FAT1: variants seen among roughly 807,000 people sequenced by gnomAD.
FAT1 encodes the protein protocadherin Fat 1.
FAT1 carries 171 observed loss-of-function variants against 329.8 expected under a neutral mutation model. That is an observed-to-expected ratio of 0.52 (90% CI 0.46 to 0.59). FAT1 has a LOEUF of 0.59. FAT1 is among the 20% of genes least tolerant of loss of function. The pLI is 0.00. For missense variants in FAT1, 5,672 were observed against 5,774.4 expected (o/e 0.98, Z 0.57); for synonymous variants, 2,233 against 2,228.6 (o/e 1.00, Z -0.06).
At chr4:186,654,314 C>A (rs943895292) in intron 3 of FAT1, among the ~76,000 whole-genome samples, 1 of 152,178 alleles carries the variant, frequency 6.6e-6, no homozygotes. Flanking sequence ...TGTCAATGTT[C>A]CTCTGACTCC....
chr4:186,650,832 T>C (rs1393453714), intron 3 of FAT1, among the ~76,000 whole-genome samples: 2 of 152,092 alleles, frequency 1.3e-5, no homozygotes, highest in African/African-American at 2.4e-5. Flanking sequence ...AAAAATTGTT[T>C]TAAATGTCCA....
chr4:186,669,849 G>C (rs1742648641), intron 2 of FAT1, among the ~76,000 whole-genome samples: 1 of 152,154 alleles, frequency 6.6e-6, no homozygotes, highest in African/African-American at 2.4e-5. Context: ...TTATAGGGTT[G>C]CTCCAATAAA....
rs961005755 is a variant in FAT1, at chr4:186,588,510, A to G, written c.*82T>C. The G allele has an allele frequency of 5.0e-5, 74 of 1,487,218 alleles. No homozygotes were observed. The highest frequency in any genetic ancestry group is 6.3e-5 in the Non-Finnish European group (71 of 1,118,776). The allele number at this position is 1,487,218 out of a possible 1,614,324, so 92.1% of individuals were successfully genotyped here. The stretch of plus-strand genomic sequence containing the variant: ...TTCGGCTCACCAAAAAAAGCTTGGA[A>G]GCACTGCTGCAAAGAACAGCGCGGA... On this transcript the variant is annotated 3_prime_UTR_variant, in exon 27 of 27. Coordinates refer to ENST00000441802, the MANE Select transcript of FAT1 (RefSeq NM_005245.4).
intron 2 of FAT1, among the ~76,000 whole-genome samples, chr4:186,693,317 A>C (rs1172223274): frequency 6.6e-6 from 1 of 152,234 alleles, no homozygotes; most frequent in African/African-American, 2.4e-5. Context: ...ACATGAACAC[A>C]GTACTCGGCA....
At chr4:186,712,211 G>C (rs191608424) in intron 1 of FAT1, among the ~76,000 whole-genome samples, 1 of 152,202 alleles carries the variant, frequency 6.6e-6, no homozygotes, top group South Asian at 2.1e-4. Context: ...AGAGGAGAAG[G>C]GGGGTAGATA....
intron 11 of FAT1, 57 bp downstream of exon 11, chr4:186,616,948 G>T (rs1437202993): frequency 6.7e-7 from 1 of 1,481,910 alleles, no homozygotes; most frequent in Non-Finnish European, 9.3e-7. Context: ...TGGTCCCATT[G>T]AAAGAATTAA....
At chr4:186,676,382 G>A (rs2126638965) in intron 2 of FAT1, among the ~76,000 whole-genome samples, 1 of 151,784 alleles carries the variant, frequency 6.6e-6, no homozygotes, top group Admixed American at 6.6e-5. Flanking sequence ...ATTTTCTAAT[G>A]TTTCTAGAAG....
chr4:186,626,523 T>C (rs1740313731), intron 9 of FAT1, among the ~76,000 whole-genome samples: 1 of 136,672 alleles, frequency 7.3e-6, no homozygotes, highest in African/African-American at 2.8e-5. Flanking sequence ...AATGAATGAA[T>C]GAGGGACCAA....
chr4:186,662,032 C>G (rs895422165), intron 3 of FAT1, among the ~76,000 whole-genome samples: 6 of 151,146 alleles, frequency 4.0e-5, no homozygotes, highest in East Asian at 2.0e-4. Context: ...GCCAGCCCCC[C>G]AAACACACAC....
At chr4:186,644,037 T>C (rs1349829593) in intron 3 of FAT1, among the ~76,000 whole-genome samples, 1 of 152,188 alleles carries the variant, frequency 6.6e-6, no homozygotes, top group African/African-American at 2.4e-5. Context: ...ATTATCAAGT[T>C]GAGCTGCCTG....
rs188188069 is a variant in FAT1 at position 186,636,787 on chromosome 4, C to A, written c.3770G>T (p.Arg1257Leu). Residue 1257 changes from arginine to leucine, a missense_variant, in exon 5 of 27, where the codon CGG becomes CTG. Around this residue, in one of 2 missense-constraint regions of FAT1, gnomAD observed 3,966 missense variants for 3,915.2 expected, o/e 1.01. Coordinates refer to ENST00000441802, the MANE Select transcript of FAT1 (RefSeq NM_005245.4). Reference protein sequence around the residue: ...QKFYKIRLPEREKPDRERNAR... With the variant: ...QKFYKIRLPELEKPDRERNAR... Reference sequence around the variant, plus strand: ...ATTTCTTTCTCGGTCTGGCTTTTCCCGCTCAGGGAGTCTGATTTTGTAGAA... The same window carrying A: ...ATTTCTTTCTCGGTCTGGCTTTTCCAGCTCAGGGAGTCTGATTTTGTAGAA... The A allele has an allele frequency of 6.1e-5, 98 of 1,613,820 alleles. No individual in the cohort carries two copies. The highest frequency in any genetic ancestry group is 1.2e-4 in the Admixed American group (7 of 60,010).
intron 2 of FAT1, among the ~76,000 whole-genome samples, chr4:186,681,565 G>A (rs943262471): frequency 1.3e-5 from 2 of 152,140 alleles, no homozygotes; most frequent in Non-Finnish European, 2.9e-5. Flanking sequence ...ACAAGGGACC[G>A]GCATTAGCAG....
At chr4:186,703,516 TACTC>T (rs1396841040) in intron 2 of FAT1, among the ~76,000 whole-genome samples, 1 of 152,226 alleles carries the variant, frequency 6.6e-6, no homozygotes, top group Non-Finnish European at 1.5e-5. Flanking sequence ...TTGGTTATAA[TACTC>T]AACCAACACT....
chr4:186,686,435 G>A (rs966724918), intron 2 of FAT1, among the ~76,000 whole-genome samples: 4 of 151,952 alleles, frequency 2.6e-5, no homozygotes, highest in Non-Finnish European at 4.4e-5. Context: ...TTTTCCAAGG[G>A]CTCAATGAAA....
intron 17 of FAT1, among the ~76,000 whole-genome samples, chr4:186,605,594 AGTGG>A (rs1739089546): frequency 3.8e-5 from 1 of 26,644 alleles, no homozygotes; most frequent in Non-Finnish European, 6.9e-5. Context: ...GGGAGGGAGG[AGTGG>A]GGAGGAGGGA....
intron 1 of FAT1, among the ~76,000 whole-genome samples, chr4:186,718,646 G>A (rs949356256): frequency 3.9e-5 from 6 of 152,122 alleles, no homozygotes; most frequent in African/African-American, 9.7e-5. Context: ...CAGCCTGGGC[G>A]ACAGAGCCAG....
chr4:186,598,015 C>T lies in FAT1; in HGVS notation c.12214G>A (p.Gly4072Arg), dbSNP rs751396320. ...CCTCTACACTGGCAAACAAAGCCTC[C>T]GTTGTCGACAACACACGTGCCCCCA... is the stretch of plus-strand genomic sequence containing the variant. Reference protein sequence around the residue: ...LYGGTCVVDNGGFVCQCRGLY... With the variant: ...LYGGTCVVDNRGFVCQCRGLY... Residue 4072 changes from glycine to arginine, a missense_variant, in exon 23 of 27, where the codon GGA becomes AGA. Physicochemically the swap from Gly to Arg is moderately radical, Grantham distance 125. Coordinates refer to ENST00000441802, the MANE Select transcript of FAT1 (RefSeq NM_005245.4). 4.4e-5 allele frequency: 71 copies of T among 1,613,294 alleles called. No homozygotes were observed. The highest frequency in any genetic ancestry group is 5.7e-5 in the Non-Finnish European group (67 of 1,179,772).
At chr4:186,682,859 T>C (rs1437318442) in intron 2 of FAT1, among the ~76,000 whole-genome samples, 1 of 152,108 alleles carries the variant, frequency 6.6e-6, no homozygotes, top group African/African-American at 2.4e-5. Flanking sequence ...TGGACTGGGA[T>C]AAAACCTAGC....
At position 186,596,484 on chromosome 4, in the gene FAT1, T is replaced by C; in HGVS notation, c.13000+56A>G. 6.5e-7 allele frequency: 1 copy of C among 1,545,656 alleles called. No individual in the cohort carries two copies. Among genetic ancestry groups the C allele is most frequent in the Non-Finnish European group, 8.7e-7 (1 of 1,143,362 alleles). The stretch of plus-strand genomic sequence containing the variant: ...ACACATTTTGACTGGACAGAATTTG[T>C]AACCTCACTGTTTATCTCAAGTGAC... On this transcript the variant is annotated intron_variant, in intron 25 of 26. Coordinates refer to ENST00000441802, the MANE Select transcript of FAT1 (RefSeq NM_005245.4). This position sits in a 1 kb window ranked among gnomAD's most constrained non-coding sequence, Gnocchi z 4.7.
Sources: gnomAD v4.1 joint callset for allele counts (sites outside exome capture counted in the v4.1 genomes callset) on GRCh38, gnomAD v4.1.1 for gene constraint, gnomAD v4.1.1 regional missense constraint, Gnocchi (gnomAD v3.1) non-coding constraint, MANE v1.5 for transcripts, NCBI Gene and HGNC (gene_info 2026-07-23, HGNC 2026-07-21) for gene names.